The following INSYN2A variants were observed in gnomAD, a reference collection of about 807,000 sequenced individuals.
The protein encoded by INSYN2A is inhibitory synaptic factor 2A.
A neutral mutation model predicts 39.4 loss-of-function variants in INSYN2A; 17 were observed. That is an observed-to-expected ratio of 0.43 (90% CI 0.30 to 0.65). The LOEUF (loss-of-function observed/expected upper bound fraction) is 0.65. INSYN2A is among the 30% of genes least tolerant of loss of function. INSYN2A has a pLI of 0.14. For synonymous variants in INSYN2A, 255 were observed against 265.7 expected (o/e 0.96, Z 0.39); for missense variants, 595 against 631.2 (o/e 0.94, Z 0.61).
In INSYN2A at chr10:127,183,706, C is replaced by T. The variant is rs192603502; in HGVS notation, c.-268-6567G>A. ...CTATTCATTGCAAGTGTGCACAGAGCGAAATTTTAGCATTCATAACACAAA... is the reference window on the plus strand; with the variant it reads ...CTATTCATTGCAAGTGTGCACAGAGTGAAATTTTAGCATTCATAACACAAA... On this transcript the variant is annotated intron_variant, in intron 2 of 5. Coordinates refer to ENST00000522781, the MANE Select transcript of INSYN2A (RefSeq NM_001039762.3). Among the ~76,000 whole-genome samples the T allele has an allele frequency of 6.0e-3, 908 of 152,070 alleles. 8 individuals carry two copies. Among genetic ancestry groups the T allele is most frequent in the Non-Finnish European group, 9.8e-3 (665 of 67,984 alleles).
intron 2 of INSYN2A, among the ~76,000 whole-genome samples, chr10:127,190,100 A>G (rs61874034): frequency 0.015 from 2,301 of 152,274 alleles, 16 homozygotes; most frequent in Non-Finnish European, 0.024. Flanking sequence ...CATTTTCTCA[A>G]TTCTCCTTAT....
intron 4 of INSYN2A, among the ~76,000 whole-genome samples, chr10:127,166,812 A>G (rs1424868891): frequency 6.6e-6 from 1 of 152,096 alleles, no homozygotes. Flanking sequence ...ACACAAATCC[A>G]TAAATTCCAT....
intron 2 of INSYN2A, among the ~76,000 whole-genome samples, chr10:127,187,161 T>C (rs138151296): frequency 0.013 from 2,003 of 152,344 alleles, 14 homozygotes; most frequent in Middle Eastern, 0.037. Flanking sequence ...CATAACACAT[T>C]AAGTGTTAAA....
intron 5 of INSYN2A, among the ~76,000 whole-genome samples, chr10:127,145,023 G>T (rs921367504): frequency 2.6e-5 from 4 of 152,132 alleles, no homozygotes; most frequent in African/African-American, 9.7e-5. Flanking sequence ...AGAGTTAGAC[G>T]ATGAGCTGAG....
Position 127,174,333 on chromosome 10 carries a change from C to T in INSYN2A, c.1184+879G>A, listed in dbSNP as rs74158631. Among the ~76,000 whole-genome samples, 1,125 of 152,254 alleles carry T rather than the reference C, an allele frequency of 7.4e-3. 15 individuals carry two copies. Among genetic ancestry groups the T allele is most frequent in the African/African-American group, 0.024 (998 of 41,548 alleles). On this transcript the variant is annotated intron_variant, in intron 4 of 5. Transcript: ENST00000522781. ...GCAAGAGAGGTCTCGGCAATCCAGG[C>T]GAAGTCCGATAACCCCCAGACCCAG...
At position 127,196,531 on chromosome 10, in the gene INSYN2A, C is replaced by T. The variant is rs1447733639; in HGVS notation, c.-929G>A. Among the ~76,000 whole-genome samples, 1 of 147,702 alleles carries T rather than the reference C, an allele frequency of 6.8e-6. No homozygotes were observed. The highest frequency in any genetic ancestry group is 1.5e-5 in the Non-Finnish European group (1 of 66,562). Reference sequence around the variant, plus strand: ...GGAGCCGGGCGGCCAGAGGCGAGGGCGCCCCAAGCCGCGCGCCTGCCGCCT... The same window carrying T: ...GGAGCCGGGCGGCCAGAGGCGAGGGTGCCCCAAGCCGCGCGCCTGCCGCCT... On this transcript the variant is annotated 5_prime_UTR_variant, in exon 1 of 6. Transcript: ENST00000522781.
intron 5 of INSYN2A, among the ~76,000 whole-genome samples, chr10:127,138,852 G>A (rs186853381): frequency 1.3e-5 from 2 of 152,290 alleles, no homozygotes; most frequent in East Asian, 3.9e-4. Flanking sequence ...CTGTCAACTT[G>A]TCTAGAGCCC....
chr10:127,144,080 G>A (rs1473011939), intron 5 of INSYN2A, among the ~76,000 whole-genome samples: 1 of 151,918 alleles, frequency 6.6e-6, no homozygotes, highest in Non-Finnish European at 1.5e-5. Flanking sequence ...CTTCCTCTCC[G>A]CCCACCTTCC....
intron 4 of INSYN2A, among the ~76,000 whole-genome samples, chr10:127,161,726 G>A (rs535848900): frequency 6.6e-6 from 1 of 152,248 alleles, no homozygotes; most frequent in Admixed American, 6.5e-5. Context: ...CCTCGCCTCT[G>A]CTCCATTTCC....
intron 4 of INSYN2A, among the ~76,000 whole-genome samples, chr10:127,167,097 CCTT>C (rs1158530745): frequency 2.0e-5 from 3 of 151,552 alleles, no homozygotes; most frequent in Non-Finnish European, 2.9e-5. Context: ...AGATGGAAAG[CCTT>C]ATTATTTTTT....
intron 2 of INSYN2A, among the ~76,000 whole-genome samples, chr10:127,184,731 T>A (rs2056067694): frequency 1.3e-5 from 2 of 152,200 alleles, no homozygotes; most frequent in African/African-American, 4.8e-5. Context: ...ATGGTCAGTC[T>A]CTACTTTGTG....
intron 1 of INSYN2A, among the ~76,000 whole-genome samples, chr10:127,195,712 C>T (rs1337813999): frequency 6.6e-6 from 1 of 152,236 alleles, no homozygotes; most frequent in East Asian, 1.9e-4. Flanking sequence ...AGGCGCAGCC[C>T]CGCTCCTCCC....
intron 4 of INSYN2A, among the ~76,000 whole-genome samples, chr10:127,155,940 A>G (rs11016512): frequency 1.2e-3 from 185 of 152,132 alleles, no homozygotes; most frequent in Admixed American, 1.9e-3. Flanking sequence ...CTGCTCTACT[A>G]TTGTGTTGTG....
intron 5 of INSYN2A, among the ~76,000 whole-genome samples, chr10:127,142,541 C>T (rs1039267857): frequency 2.0e-5 from 3 of 152,156 alleles, no homozygotes; most frequent in African/African-American, 7.2e-5. Context: ...GGAGCCAGGC[C>T]AGCCTTACCT....
intron 5 of INSYN2A, among the ~76,000 whole-genome samples, chr10:127,147,505 A>C (rs2247259): frequency 6.6e-6 from 1 of 151,992 alleles, no homozygotes; most frequent in Non-Finnish European, 1.5e-5. Flanking sequence ...CTCACCTTCC[A>C]TACAGAGGGC....
chr10:127,161,175 C>G (rs2053561692), intron 4 of INSYN2A, among the ~76,000 whole-genome samples: 1 of 152,158 alleles, frequency 6.6e-6, no homozygotes, highest in African/African-American at 2.4e-5. Flanking sequence ...CTGTTTACAG[C>G]TAAAGTGGAT....
At chr10:127,168,031 A>T (rs1359104450) in intron 4 of INSYN2A, among the ~76,000 whole-genome samples, 1 of 152,198 alleles carries the variant, frequency 6.6e-6, no homozygotes, top group Non-Finnish European at 1.5e-5. Flanking sequence ...TCTCCAAGAG[A>T]AGCCCAAGAG....
intron 5 of INSYN2A, among the ~76,000 whole-genome samples, chr10:127,149,388 G>A (rs1000339144): frequency 5.3e-5 from 8 of 152,146 alleles, no homozygotes; most frequent in African/African-American, 1.4e-4. Context: ...CATCAAGACC[G>A]TTTGTCCTTT....
rs747794032 is a variant in INSYN2A at position 127,135,522 on chromosome 10, A to G, written c.*2315T>C. The G allele has an allele frequency of 1.0e-4, 16 of 152,680 alleles. No individual in the cohort carries two copies. Among genetic ancestry groups the G allele is most frequent in the African/African-American group, 3.9e-4 (16 of 41,470 alleles). 9.5% of individuals were successfully genotyped at this position (152,680 alleles called of 1,614,324 possible). A position where few individuals can be genotyped will look rare whatever the true frequency, so the allele number is the denominator to read the frequency against. ...TATGCAATGCCATGTGTACATCTAC[A>G]TAAGGGAACCCTGTGCGTTTTACCT... On this transcript the variant is annotated 3_prime_UTR_variant, in exon 6 of 6. Transcript: ENST00000522781.
Sources: allele counts gnomAD v4.1 joint callset (sites outside exome capture counted in the v4.1 genomes callset), GRCh38; gene constraint gnomAD v4.1.1; transcripts MANE v1.5; gene names NCBI Gene and HGNC (gene_info 2026-07-23, HGNC 2026-07-21).